EXT1: variants seen among roughly 807,000 people sequenced by gnomAD.
EXT1 encodes the protein exostosin-1.
Under a neutral mutation model 82.5 loss-of-function variants are expected in EXT1, and 20 were observed. The ratio of observed to expected loss-of-function variants is 0.24; its 90% CI spans 0.17 to 0.35. EXT1 has a LOEUF of 0.35. EXT1 is among the 10% of genes least tolerant of loss of function. The pLI is 1.00. For missense variants in EXT1, 757 were observed against 936.5 expected (o/e 0.81, Z 2.50); for synonymous variants, 348 against 350.8 (o/e 0.99, Z 0.09).
At chr8:117,939,011 A>C (rs1814221637) in intron 1 of EXT1, among the ~76,000 whole-genome samples, 1 of 152,116 alleles carries the variant, frequency 6.6e-6, no homozygotes, top group Non-Finnish European at 1.5e-5. Context: ...TAAGTTATAC[A>C]ATCTCATGCC....
At chr8:118,101,952 A>G (rs1817726484) in intron 1 of EXT1, among the ~76,000 whole-genome samples, 1 of 138,250 alleles carries the variant, frequency 7.2e-6, no homozygotes, top group Admixed American at 7.9e-5. Context: ...TCTAATGAGG[A>G]AAAAAAAAAA....
At chr8:117,927,006 T>C (rs1476899765) in intron 1 of EXT1, among the ~76,000 whole-genome samples, 1 of 152,260 alleles carries the variant, frequency 6.6e-6, no homozygotes, top group Non-Finnish European at 1.5e-5. Flanking sequence ...GTGCAATTTA[T>C]GACTCCTTCA....
intron 1 of EXT1, among the ~76,000 whole-genome samples, chr8:117,858,597 G>T (rs1385308374): frequency 6.6e-6 from 1 of 151,818 alleles, no homozygotes; most frequent in Non-Finnish European, 1.5e-5. Flanking sequence ...AGAATGGCTT[G>T]AACCTGGGAG....
In EXT1 at chr8:117,808,561, G is replaced by A. The variant is rs533760428; in HGVS notation, c.1723-1184C>T. Among the ~76,000 whole-genome samples the A allele has an allele frequency of 1.8e-4, 27 of 152,232 alleles. No individual in the cohort carries two copies. In the South Asian group the frequency reaches 3.9e-3, roughly 22 times the overall value. On this transcript the variant is annotated intron_variant, in intron 8 of 10. Transcript: ENST00000378204. ...TCTTATACACGCTATGATTCACCTCGTTATCTTTGCCGTATCTCTTCTGGA... is the reference window on the plus strand; with the variant it reads ...TCTTATACACGCTATGATTCACCTCATTATCTTTGCCGTATCTCTTCTGGA...
At chr8:118,056,422 T>A (rs559640147) in intron 1 of EXT1, among the ~76,000 whole-genome samples, 9 of 152,298 alleles carry the variant, frequency 5.9e-5, no homozygotes, top group African/African-American at 1.4e-4. Flanking sequence ...AGGAAATGAA[T>A]GGACTCAGTG....
At chr8:117,939,227 T>A (rs1814226577) in intron 1 of EXT1, among the ~76,000 whole-genome samples, 1 of 152,202 alleles carries the variant, frequency 6.6e-6, no homozygotes, top group African/African-American at 2.4e-5. Context: ...GACAGTATCT[T>A]ATTTAATCCT....
intron 1 of EXT1, among the ~76,000 whole-genome samples, chr8:118,067,445 T>C (rs948986939): frequency 1.3e-5 from 2 of 152,238 alleles, no homozygotes; most frequent in Non-Finnish European, 2.9e-5. Context: ...TGCTATAGCA[T>C]TCACTGGATG....
intron 1 of EXT1, among the ~76,000 whole-genome samples, chr8:118,081,188 T>G (rs1346974423): frequency 6.6e-6 from 1 of 152,188 alleles, no homozygotes; most frequent in Admixed American, 6.5e-5. Context: ...CAAATACTCA[T>G]AACCACTAAC....
At chr8:117,968,526 C>T (rs1196352122) in intron 1 of EXT1, among the ~76,000 whole-genome samples, 1 of 37,066 alleles carries the variant, frequency 2.7e-5, no homozygotes, top group Non-Finnish European at 4.0e-5. Flanking sequence ...CTTATTCTGC[C>T]TTATTTATTT....
At position 118,035,167 on chromosome 8, in the gene EXT1, T is replaced by C. The variant is rs976010740; in HGVS notation, c.962+74918A>G. Among the ~76,000 whole-genome samples the C allele has an allele frequency of 2.0e-5, 3 of 152,292 alleles. No homozygotes were observed. In the East Asian group the frequency reaches 5.8e-4, roughly 29 times the overall value. On this transcript the variant is annotated intron_variant, in intron 1 of 10. Coordinates refer to ENST00000378204, the MANE Select transcript of EXT1 (RefSeq NM_000127.3). Reference sequence around the variant, plus strand: ...ATCAAGCCCGGGCAAGTTAGAACCATGCATCAGCTTTTCATCCATGGTGTA... The same window carrying C: ...ATCAAGCCCGGGCAAGTTAGAACCACGCATCAGCTTTTCATCCATGGTGTA...
intron 1 of EXT1, among the ~76,000 whole-genome samples, chr8:118,019,578 C>A (rs1164528397): frequency 6.6e-6 from 1 of 152,206 alleles, no homozygotes; most frequent in Non-Finnish European, 1.5e-5. Flanking sequence ...CGTACATCGT[C>A]TTGGACCAGA....
chr8:117,807,793 A>G (rs550922249), intron 8 of EXT1, among the ~76,000 whole-genome samples: 5 of 152,308 alleles, frequency 3.3e-5, no homozygotes, highest in African/African-American at 1.2e-4. Flanking sequence ...TACAACATAT[A>G]TCATACCCAG....
At chr8:117,989,887 C>A (rs1815398209) in intron 1 of EXT1, among the ~76,000 whole-genome samples, 1 of 152,184 alleles carries the variant, frequency 6.6e-6, no homozygotes. Flanking sequence ...TGGGAAAAAG[C>A]AAATGATCCC....
intron 1 of EXT1, among the ~76,000 whole-genome samples, chr8:117,846,054 A>G (rs1004936752): frequency 1.3e-5 from 2 of 152,194 alleles, no homozygotes; most frequent in Admixed American, 6.5e-5. Context: ...TGCCCATGAC[A>G]TTAATCTCAG....
intron 1 of EXT1, among the ~76,000 whole-genome samples, chr8:117,843,195 G>A (rs1812299394): frequency 6.6e-6 from 1 of 152,222 alleles, no homozygotes; most frequent in Non-Finnish European, 1.5e-5. Context: ...AACATCCTTT[G>A]AGCACCTCCT....
At chr8:117,954,873 A>C (rs1171671271) in intron 1 of EXT1, among the ~76,000 whole-genome samples, 2 of 152,174 alleles carry the variant, frequency 1.3e-5, no homozygotes, top group African/African-American at 4.8e-5. Flanking sequence ...TCTGACAGTA[A>C]TTACCCAGAG....
At chr8:117,967,063 G>C (rs1188991832) in intron 1 of EXT1, among the ~76,000 whole-genome samples, 1 of 152,168 alleles carries the variant, frequency 6.6e-6, no homozygotes, top group Non-Finnish European at 1.5e-5. Context: ...GCACTTGTGT[G>C]GCAATGATAA....
intron 1 of EXT1, among the ~76,000 whole-genome samples, chr8:117,924,552 C>T (rs934706706): frequency 6.6e-6 from 1 of 152,214 alleles, no homozygotes; most frequent in Admixed American, 6.5e-5. Context: ...ATACTACTGA[C>T]CTCACATTGT....
chr8:118,046,977 T>C (rs1301204675), intron 1 of EXT1, among the ~76,000 whole-genome samples: 2 of 152,114 alleles, frequency 1.3e-5, no homozygotes, highest in Non-Finnish European at 2.9e-5. Context: ...TTTGGAATGG[T>C]GTGTTTCTGT....
Sources: gnomAD v4.1 joint callset for allele counts (sites outside exome capture counted in the v4.1 genomes callset) on GRCh38, gnomAD v4.1.1 for gene constraint, MANE v1.5 for transcripts, NCBI Gene and HGNC (gene_info 2026-07-23, HGNC 2026-07-21) for gene names.